KANSL1: variants seen among roughly 807,000 people sequenced by gnomAD.
KANSL1 encodes the protein MLL1/MLL complex subunit KANSL1.
In KANSL1, 22 loss-of-function variants were observed where a neutral mutation model predicts 103.6. That is an observed-to-expected ratio of 0.21 (90% CI 0.15 to 0.30). KANSL1 has a LOEUF of 0.30. Ranked by LOEUF, KANSL1 falls within the 10% of genes least tolerant of loss-of-function variation. The probability of loss-of-function intolerance (pLI) is 1.00; values close to 1 mark genes in which losing one functional copy is unlikely to be tolerated. For synonymous variants in KANSL1, 600 were observed against 527.6 expected (o/e 1.14, Z -1.88); for missense variants, 1,337 against 1,399.8 (o/e 0.96, Z 0.72).
Position 46,033,433 on chromosome 17 carries a change from C to G in KANSL1, c.2694G>C (p.Leu898=). The change falls in exon 12 of 15, where the codon CTG becomes CTC. Residue 898 remains leucine, a synonymous_variant. Transcript: ENST00000432791. ...PSWREVDLQS[L]KGSPDEENEE... is the part of the protein sequence containing the mutation. ...CATTCTCCTCATCAGGACTCCCCTT[C>G]AGAGACTGAAGATCAACCTCCCGCC... The G allele has an allele frequency of 6.2e-7, 1 of 1,614,226 alleles. No individual in the cohort carries two copies. Among genetic ancestry groups the G allele is most frequent in the South Asian group, 1.1e-5 (1 of 91,082 alleles).
intron 2 of KANSL1, among the ~76,000 whole-genome samples, chr17:46,122,486 C>T (rs568562125): frequency 6.6e-6 from 1 of 152,272 alleles, no homozygotes; most frequent in South Asian, 2.1e-4. Context: ...AAAAGTACCA[C>T]GAGATTAACT....
At chr17:46,060,191 C>A (rs535503851) in intron 6 of KANSL1, among the ~76,000 whole-genome samples, 8 of 152,290 alleles carry the variant, frequency 5.3e-5, no homozygotes, top group African/African-American at 1.7e-4. Context: ...ATAGCATATT[C>A]GTCCAAAACA....
chr17:46,130,187 CAAAAAAAAAAA>C (rs35017603), intron 2 of KANSL1, among the ~76,000 whole-genome samples: 2 of 75,472 alleles, frequency 2.6e-5, no homozygotes, highest in Non-Finnish European at 5.4e-5. Flanking sequence ...ATCCTGTCTC[CAAAAAAAAAAA>C]AAAAAAAAAA....
intron 2 of KANSL1, among the ~76,000 whole-genome samples, chr17:46,154,340 T>C (rs1308253631): frequency 6.6e-6 from 1 of 152,266 alleles, no homozygotes. Flanking sequence ...TAAGAATTTC[T>C]ACTTGCAATG....
intron 2 of KANSL1, among the ~76,000 whole-genome samples, chr17:46,116,359 T>C (rs1024810627): frequency 6.6e-6 from 1 of 152,000 alleles, no homozygotes; most frequent in Non-Finnish European, 1.5e-5. Flanking sequence ...TGAAACCCCG[T>C]CTCTACTAAA....
chr17:46,201,175 G>A (rs1181438595), intron 1 of KANSL1, among the ~76,000 whole-genome samples: 1 of 152,170 alleles, frequency 6.6e-6, no homozygotes, highest in African/African-American at 2.4e-5. Context: ...GCCTCCCAAA[G>A]TACTGGGATT....
rs532295513 is a variant in KANSL1 at position 46,038,405 on chromosome 17, A to G, written c.2541+133T>C. On this transcript the variant is annotated intron_variant, in intron 10 of 14. Transcript: ENST00000432791. Reference sequence around the variant, plus strand: ...TTAAAAATGGTACAGACATACATACATATGTCATGATGAGCTGAGATCCTA... The same window carrying G: ...TTAAAAATGGTACAGACATACATACGTATGTCATGATGAGCTGAGATCCTA... 2.5e-5 allele frequency: 23 copies of G among 909,942 alleles called. No homozygotes were observed. The East Asian group carries it at 4.0e-4, about 16-fold the overall frequency. 56.4% of individuals were successfully genotyped at this position (909,942 alleles called of 1,614,324 possible). A position where few individuals can be genotyped will look rare whatever the true frequency, so the allele number is the denominator to read the frequency against.
intron 1 of KANSL1, among the ~76,000 whole-genome samples, chr17:46,219,767 T>G (rs565254061): frequency 2.9e-4 from 44 of 152,342 alleles, no homozygotes; most frequent in Admixed American, 2.7e-3. Context: ...TGTCCTAGAT[T>G]ATGGGCCCTT....
chr17:46,147,756 A>G (rs1055870821), intron 2 of KANSL1, among the ~76,000 whole-genome samples: 24 of 152,340 alleles, frequency 1.6e-4, no homozygotes, highest in Middle Eastern at 6.8e-3. Flanking sequence ...AGTAAAATTC[A>G]GGTGTTCTCC....
chr17:46,053,425 G>T (rs539235060), intron 6 of KANSL1, among the ~76,000 whole-genome samples: 13 of 151,522 alleles, frequency 8.6e-5, no homozygotes, highest in Non-Finnish European at 1.8e-4. Flanking sequence ...AATAGAACCC[G>T]AGGAGTATAT....
intron 13 of KANSL1, chr17:46,032,636 A>G: frequency 5.8e-6 from 2 of 346,000 alleles, no homozygotes; most frequent in Non-Finnish European, 1.0e-5. Context: ...TTTCTACTTG[A>G]GAATCCCGAG....
chr17:46,108,851 G>A (rs1053214339), intron 2 of KANSL1, among the ~76,000 whole-genome samples: 7 of 152,180 alleles, frequency 4.6e-5, no homozygotes, highest in South Asian at 2.1e-4. Flanking sequence ...TGCTGAAAGC[G>A]AGTCAAGCAA....
At chr17:46,107,235 AG>A (rs1325376443) in intron 2 of KANSL1, among the ~76,000 whole-genome samples, 1 of 152,240 alleles carries the variant, frequency 6.6e-6, no homozygotes, top group Non-Finnish European at 1.5e-5. Flanking sequence ...TGCTAATAAT[AG>A]GAAGCCAGAG....
In KANSL1 at chr17:46,146,014, G is replaced by T. The variant is rs181635940; in HGVS notation, c.1289+24841C>A. ...CAAAGTGCTGGGATTACAGGTGTGA[G>T]CCACCGTGCCAGCCCATACTAGCTT... is the stretch of plus-strand genomic sequence containing the variant. On this transcript the variant is annotated intron_variant, in intron 2 of 14. Coordinates refer to ENST00000432791, the MANE Select transcript of KANSL1 (RefSeq NM_015443.4). Among the ~76,000 whole-genome samples, 1,011 of 152,264 alleles carry T rather than the reference G, an allele frequency of 6.6e-3. 2 individuals carry two copies. The highest frequency in any genetic ancestry group is 0.01 in the Middle Eastern group (3 of 294).
At chr17:46,065,946 C>G (rs2078360820) in intron 6 of KANSL1, among the ~76,000 whole-genome samples, 1 of 152,138 alleles carries the variant, frequency 6.6e-6, no homozygotes, top group South Asian at 2.1e-4. Flanking sequence ...TCAAAGCAGC[C>G]TCAACCTTAT....
Position 46,193,147 on chromosome 17 carries a change from G to C in KANSL1, c.-414C>G, listed in dbSNP as rs1418925757. 6.6e-6 allele frequency: 1 copy of C among 152,508 alleles called. No individual in the cohort carries two copies. The highest frequency in any genetic ancestry group is 1.5e-5 in the Non-Finnish European group (1 of 68,526). The allele number at this position is 152,508 out of a possible 1,614,324, so 9.4% of individuals were successfully genotyped here. On this transcript the variant is annotated 5_prime_UTR_variant, in exon 1 of 15. Coordinates refer to ENST00000432791, the MANE Select transcript of KANSL1 (RefSeq NM_015443.4). The stretch of plus-strand genomic sequence containing the variant: ...CGCAGCCCGGCCGGGAGGGCGGGCG[G>C]GCGGGGGCAGAGAGTGAAACCGCCC...
At chr17:46,066,403 T>C in intron 6 of KANSL1, 134 bp downstream of exon 6, 6 of 628,836 alleles carry the variant, frequency 9.5e-6, no homozygotes, top group Non-Finnish European at 1.5e-5. Context: ...CCCAGGAACC[T>C]AGTATTTTAT....
chr17:46,048,511 G>A (rs905711808), intron 7 of KANSL1, among the ~76,000 whole-genome samples: 4 of 152,126 alleles, frequency 2.6e-5, no homozygotes, highest in African/African-American at 7.2e-5. Flanking sequence ...GGGCTGCAGT[G>A]AGCCAACATC....
chr17:46,096,311 C>CTTCCTTTCTTTCTTTTTTTT (rs2042066339), intron 2 of KANSL1, among the ~76,000 whole-genome samples: 1 of 76,408 alleles, frequency 1.3e-5, no homozygotes, highest in Non-Finnish European at 2.5e-5. Flanking sequence ...GCTTTTTTTT[C>CTTCCTTTCTTTCTTTTTTTT]TTTTTTTTTT....
Sources: allele counts gnomAD v4.1 joint callset (sites outside exome capture counted in the v4.1 genomes callset), GRCh38; gene constraint gnomAD v4.1.1; transcripts MANE v1.5; gene names NCBI Gene and HGNC (gene_info 2026-07-23, HGNC 2026-07-21).